The following DPP10 variants were observed in gnomAD, a reference collection of about 807,000 sequenced individuals.
DPP10 encodes inactive dipeptidyl peptidase 10.
Under a neutral mutation model 120.9 loss-of-function variants are expected in DPP10, and 33 were observed. That is an observed-to-expected ratio of 0.27 (90% CI 0.21 to 0.37). DPP10 has a LOEUF of 0.37. DPP10 is among the 10% of genes least tolerant of loss of function. The pLI is 1.00. For missense variants in DPP10, 816 were observed against 942.8 expected (o/e 0.87, Z 1.76); for synonymous variants, 337 against 326.1 (o/e 1.03, Z -0.36).
chr2:115,777,163 G>A, intron 13 of DPP10, 45 bp from the exon 14 acceptor site: 1 of 1,551,966 alleles, frequency 6.4e-7, no homozygotes, highest in Non-Finnish European at 8.9e-7. Context: ...CCAGAGAGAT[G>A]CTGTTTAAAT....
At chr2:115,343,233 G>T (rs1045613496) in intron 2 of DPP10, among the ~76,000 whole-genome samples, 1 of 152,096 alleles carries the variant, frequency 6.6e-6, no homozygotes, top group East Asian at 1.9e-4. Context: ...TATGAAATGT[G>T]TGTATTATCA....
chr2:114,461,938 T>C, intron 1 of DPP10: 2 of 984,868 alleles, frequency 2.0e-6, no homozygotes, highest in Non-Finnish European at 2.4e-6. Flanking sequence ...GGTTAGGAGG[T>C]AGGAAATAAT....
rs575897175 is a variant in DPP10 at position 115,495,408 on chromosome 2, G to A, written c.272-4102G>A. 3.0e-4 allele frequency among the ~76,000 whole-genome samples: 36 copies of A among 121,236 alleles called. 2 individuals are homozygous for A. In the South Asian group the frequency reaches 8.7e-3, roughly 29 times the overall value. The allele number at this position is 121,236 out of a possible 152,430, so 79.5% of individuals were successfully genotyped here. A position where few individuals can be genotyped will look rare whatever the true frequency, so the allele number is the denominator to read the frequency against. ...AAAGTTTTTCGTTCTGATTTACAAC[G>A]TTAAGTTCATAAACAAGAACTTCCT... On this transcript the variant is annotated intron_variant, in intron 3 of 25. Coordinates refer to ENST00000410059, the MANE Select transcript of DPP10 (RefSeq NM_020868.6).
chr2:114,969,875 C>G (rs935046747), intron 1 of DPP10, among the ~76,000 whole-genome samples: 1 of 152,098 alleles, frequency 6.6e-6, no homozygotes, highest in Non-Finnish European at 1.5e-5. Flanking sequence ...CCCCACTAAC[C>G]CTCATTAAAT....
chr2:115,250,233 CAG>C (rs1249929695), intron 1 of DPP10, among the ~76,000 whole-genome samples: 1 of 152,066 alleles, frequency 6.6e-6, no homozygotes, highest in South Asian at 2.1e-4. Context: ...TTTTGTAAAA[CAG>C]ATATTTACTG....
intron 3 of DPP10, among the ~76,000 whole-genome samples, chr2:115,354,167 C>T (rs1183268788): frequency 6.6e-6 from 1 of 152,000 alleles, no homozygotes; most frequent in Non-Finnish European, 1.5e-5. Context: ...TTCTTGTCAA[C>T]TTTTATTTTA....
chr2:115,729,075 C>T (rs745695986), intron 8 of DPP10, among the ~76,000 whole-genome samples: 2 of 152,068 alleles, frequency 1.3e-5, no homozygotes, highest in Non-Finnish European at 2.9e-5. Flanking sequence ...AAAATATTAA[C>T]AATAAGTATG....
At chr2:114,797,946 A>T (rs972166967) in intron 1 of DPP10, among the ~76,000 whole-genome samples, 2 of 152,250 alleles carry the variant, frequency 1.3e-5, no homozygotes, top group African/African-American at 4.8e-5. Context: ...TAACATCTCC[A>T]GCATGTTATG....
chr2:114,448,253 G>C (rs966097515), intron 1 of DPP10, among the ~76,000 whole-genome samples: 4 of 152,028 alleles, frequency 2.6e-5, no homozygotes. Flanking sequence ...AAGTATTCTT[G>C]TATAATATAA....
chr2:115,817,122 C>G (rs190315242), intron 21 of DPP10, among the ~76,000 whole-genome samples: 6,648 of 151,756 alleles, frequency 0.044, 195 homozygotes, highest in Non-Finnish European at 0.07. Flanking sequence ...GTGGCGGGCG[C>G]CTGTAGTCCC....
chr2:114,700,056 C>T (rs576917281), intron 1 of DPP10, among the ~76,000 whole-genome samples: 2 of 152,078 alleles, frequency 1.3e-5, no homozygotes, highest in Non-Finnish European at 2.9e-5. Context: ...TATTCATTTT[C>T]GTGTCTTTGT....
chr2:115,805,928 G>T (rs1685908166), intron 19 of DPP10, among the ~76,000 whole-genome samples: 1 of 152,024 alleles, frequency 6.6e-6, no homozygotes, highest in South Asian at 2.1e-4. Context: ...ATTACAACAG[G>T]GCAGATATTC....
At chr2:115,261,142 C>A (rs2059234038) in intron 1 of DPP10, among the ~76,000 whole-genome samples, 2 of 151,950 alleles carry the variant, frequency 1.3e-5, no homozygotes, top group Admixed American at 6.5e-5. Flanking sequence ...ACAACAAGAA[C>A]AACAACAACA....
intron 1 of DPP10, among the ~76,000 whole-genome samples, chr2:115,018,969 C>T (rs1165514680): frequency 3.3e-5 from 5 of 151,884 alleles, no homozygotes; most frequent in African/African-American, 4.8e-5. Context: ...CCATCACTCC[C>T]GGGGAGGAGC....
At chr2:114,975,113 C>T (rs992019948) in intron 1 of DPP10, among the ~76,000 whole-genome samples, 22 of 151,394 alleles carry the variant, frequency 1.5e-4, no homozygotes, top group African/African-American at 5.3e-4. Flanking sequence ...GATCTCAGCT[C>T]ACTGCAGCCT....
chr2:115,549,267 CATT>C (rs1178483551), intron 5 of DPP10, among the ~76,000 whole-genome samples: 2 of 152,084 alleles, frequency 1.3e-5, no homozygotes, highest in Non-Finnish European at 2.9e-5. Flanking sequence ...GCCTTTCTGA[CATT>C]ATTTTCTATA....
intron 1 of DPP10, among the ~76,000 whole-genome samples, chr2:115,090,514 T>A (rs1709156039): frequency 6.6e-6 from 1 of 152,136 alleles, no homozygotes; most frequent in East Asian, 1.9e-4. Flanking sequence ...AATTTAGGTT[T>A]GTCATCTCAA....
At chr2:115,116,437 A>G (rs1234750878) in intron 1 of DPP10, among the ~76,000 whole-genome samples, 1 of 152,156 alleles carries the variant, frequency 6.6e-6, no homozygotes, top group Non-Finnish European at 1.5e-5. Context: ...AGAGTCATCA[A>G]GGTTATGTAT....
At chr2:115,668,836 A>G (rs2089657633) in intron 5 of DPP10, among the ~76,000 whole-genome samples, 1 of 152,020 alleles carries the variant, frequency 6.6e-6, no homozygotes, top group Non-Finnish European at 1.5e-5. Flanking sequence ...GGAGGATGAC[A>G]TTTTTCATTT....
Sources: gnomAD v4.1 joint callset for allele counts (sites outside exome capture counted in the v4.1 genomes callset) on GRCh38, gnomAD v4.1.1 for gene constraint, MANE v1.5 for transcripts, NCBI Gene and HGNC (gene_info 2026-07-23, HGNC 2026-07-21) for gene names.